FHIT: variants seen among roughly 807,000 people sequenced by gnomAD.
FHIT encodes bis(5'-adenosyl)-triphosphatase.
FHIT carries 19 observed loss-of-function variants against 17.9 expected under a neutral mutation model. The observed-to-expected ratio is 1.06, with a 90% CI of 0.74 to 1.56. The LOEUF is 1.56. Ranked by LOEUF, FHIT falls within the 40% of genes most tolerant of loss-of-function variation. The pLI is 0.00. For synonymous variants in FHIT, 81 were observed against 69.7 expected (o/e 1.16, Z -0.81); for missense variants, 248 against 189.2 (o/e 1.31, Z -1.82).
intron 3 of FHIT, among the ~76,000 whole-genome samples, chr3:60,930,396 C>T (rs1413174407): frequency 6.6e-6 from 1 of 152,124 alleles, no homozygotes; most frequent in Non-Finnish European, 1.5e-5. Context: ...AGCTTTTGCA[C>T]AGCAAAAGAA....
chr3:60,431,255 C>T (rs1702889798), intron 5 of FHIT, among the ~76,000 whole-genome samples: 1 of 151,698 alleles, frequency 6.6e-6, no homozygotes, highest in South Asian at 2.1e-4. Context: ...TCATTCTATC[C>T]CTTACATGCA....
chr3:59,956,435 C>T (rs1262758052), intron 7 of FHIT, among the ~76,000 whole-genome samples: 3 of 152,096 alleles, frequency 2.0e-5, no homozygotes, highest in Admixed American at 1.3e-4. Flanking sequence ...TTTGGGAGGC[C>T]GAGGCGGGCA....
Position 60,407,976 on chromosome 3 carries a change from A to G in FHIT, c.103+128884T>C, listed in dbSNP as rs79430499. 9.9e-3 allele frequency among the ~76,000 whole-genome samples: 1,503 copies of G among 152,288 alleles called. 25 individuals are homozygous for G. The highest frequency in any genetic ancestry group is 0.034 in the African/African-American group (1,425 of 41,550). On this transcript the variant is annotated intron_variant, in intron 5 of 9. Coordinates refer to ENST00000492590, the MANE Select transcript of FHIT (RefSeq NM_002012.4). ...TAAAGCCACTAACAGAGAAAGTCAT[A>G]TTTCAAGTATCAGTTGCATACTAAA...
intron 5 of FHIT, among the ~76,000 whole-genome samples, chr3:60,076,138 G>T (rs1702995950): frequency 6.6e-6 from 1 of 152,040 alleles, no homozygotes; most frequent in African/African-American, 2.4e-5. Flanking sequence ...AAGCCATTAA[G>T]AAATACAATT....
At chr3:60,129,231 T>C (rs1401769687) in intron 5 of FHIT, among the ~76,000 whole-genome samples, 2 of 152,014 alleles carry the variant, frequency 1.3e-5, no homozygotes, top group African/African-American at 4.8e-5. Context: ...TTTTGTCTTT[T>C]TAGTAGAGGT....
chr3:59,803,749 C>T (rs183676707), intron 8 of FHIT, among the ~76,000 whole-genome samples: 94 of 121,540 alleles, frequency 7.7e-4, no homozygotes, highest in Non-Finnish European at 1.1e-3. Context: ...CAAGCCTGAA[C>T]GAAACAGCCT....
Position 60,682,054 on chromosome 3 carries a change from C to T in FHIT, c.-18+139865G>A, listed in dbSNP as rs534367904. Among the ~76,000 whole-genome samples, 27 of 152,044 alleles carry T rather than the reference C, an allele frequency of 1.8e-4. No homozygotes were observed. The South Asian group carries it at 5.6e-3, about 32-fold the overall frequency. On this transcript the variant is annotated intron_variant, in intron 4 of 9. Coordinates refer to ENST00000492590, the MANE Select transcript of FHIT (RefSeq NM_002012.4). The stretch of plus-strand genomic sequence containing the variant: ...TGGTGCGATCTCAGCTCACTGCAAC[C>T]TCTGCCTCCCGGGTTCAAGCAATTC...
intron 5 of FHIT, among the ~76,000 whole-genome samples, chr3:60,180,016 T>G (rs1266334169): frequency 2.6e-5 from 4 of 152,124 alleles, no homozygotes; most frequent in Admixed American, 2.0e-4. Flanking sequence ...TGTAATATAT[T>G]TATGTAATGT....
chr3:60,372,397 A>G (rs1397359069), intron 5 of FHIT, among the ~76,000 whole-genome samples: 2 of 152,204 alleles, frequency 1.3e-5, no homozygotes, highest in Non-Finnish European at 2.9e-5. Flanking sequence ...TGGCACATCC[A>G]TAATTTGGCT....
chr3:61,076,202 C>T (rs2034966070), intron 2 of FHIT, among the ~76,000 whole-genome samples: 1 of 152,162 alleles, frequency 6.6e-6, no homozygotes, highest in South Asian at 2.1e-4. Context: ...GGAGGCATGC[C>T]AAAAACAAGC....
At chr3:60,083,577 A>G (rs1476687995) in intron 5 of FHIT, among the ~76,000 whole-genome samples, 1 of 152,140 alleles carries the variant, frequency 6.6e-6, no homozygotes. Flanking sequence ...CTTCCAATCC[A>G]TGAGCATACT....
chr3:60,107,809 C>A (rs943784636), intron 5 of FHIT, among the ~76,000 whole-genome samples: 2 of 152,144 alleles, frequency 1.3e-5, no homozygotes, highest in African/African-American at 4.8e-5. Context: ...TAACACTATC[C>A]ATAAGAATAT....
intron 5 of FHIT, among the ~76,000 whole-genome samples, chr3:60,510,383 T>G (rs756660074): frequency 6.6e-6 from 1 of 152,244 alleles, no homozygotes. Flanking sequence ...GATTCATTTT[T>G]GTTTTCCTTT....
At chr3:61,124,174 G>C (rs2036543203) in intron 2 of FHIT, among the ~76,000 whole-genome samples, 1 of 152,204 alleles carries the variant, frequency 6.6e-6, no homozygotes, top group South Asian at 2.1e-4. Context: ...ACGTGTTTTA[G>C]AATCAGAATT....
At chr3:59,847,134 A>G (rs1701751910) in intron 8 of FHIT, among the ~76,000 whole-genome samples, 4 of 152,066 alleles carry the variant, frequency 2.6e-5, no homozygotes. Flanking sequence ...AAATTTGGGA[A>G]GTTTTTATTC....
At chr3:60,989,459 T>C (rs1016648641) in intron 3 of FHIT, among the ~76,000 whole-genome samples, 2 of 152,264 alleles carry the variant, frequency 1.3e-5, no homozygotes, top group Admixed American at 1.3e-4. Context: ...TTAATTAAGC[T>C]CTTGCTACAT....
At chr3:61,192,066 TG>T (rs2038733641) in intron 2 of FHIT, among the ~76,000 whole-genome samples, 1 of 152,134 alleles carries the variant, frequency 6.6e-6, no homozygotes, top group Non-Finnish European at 1.5e-5. Context: ...GATGTTGCCA[TG>T]TCTGCCTGTA....
chr3:60,204,444 G>GTTTTTTTTTTTTTTTTTTTTTT (rs56126245), intron 5 of FHIT, among the ~76,000 whole-genome samples: 1 of 114,974 alleles, frequency 8.7e-6, no homozygotes. Flanking sequence ...TAATATTCTG[G>GTTTTTTTTTTTTTTTTTTTTTT]TTTTTTTTTT....
intron 8 of FHIT, among the ~76,000 whole-genome samples, chr3:59,851,111 T>A (rs2106791271): frequency 6.6e-6 from 1 of 152,280 alleles, no homozygotes; most frequent in Non-Finnish European, 1.5e-5. Flanking sequence ...TCCTCCTGGA[T>A]CTTCTAACAA....
Sources: gnomAD v4.1 joint callset for allele counts (sites outside exome capture counted in the v4.1 genomes callset) on GRCh38, gnomAD v4.1.1 for gene constraint, MANE v1.5 for transcripts, NCBI Gene and HGNC (gene_info 2026-07-23, HGNC 2026-07-21) for gene names.